The following MALRD1 variants were observed in gnomAD, a reference collection of about 807,000 sequenced individuals.
The protein encoded by MALRD1 is MAM and LDL receptor class A domain containing 1.
A neutral mutation model predicts 242.1 loss-of-function variants in MALRD1; 247 were observed. That is an observed-to-expected ratio of 1.02 (90% CI 0.92 to 1.13). The LOEUF (loss-of-function observed/expected upper bound fraction) is 1.13. MALRD1 is among the 50% of genes most tolerant of loss of function. The pLI is 0.00. For missense variants in MALRD1, 2,989 were observed against 2,533.1 expected (o/e 1.18, Z -3.86); for synonymous variants, 995 against 866.6 (o/e 1.15, Z -2.60).
intron 14 of MALRD1, among the ~76,000 whole-genome samples, chr10:19,198,303 G>T (rs1372117373): frequency 6.6e-6 from 1 of 152,104 alleles, no homozygotes; most frequent in African/African-American, 2.4e-5. Context: ...TATTTGCATT[G>T]GTTCTTCTTG....
At chr10:19,449,922 C>T (rs1391701068) in intron 28 of MALRD1, among the ~76,000 whole-genome samples, 2 of 152,110 alleles carry the variant, frequency 1.3e-5, no homozygotes, top group South Asian at 4.1e-4. Flanking sequence ...TAAAGTTGTG[C>T]AGAGCTGGAA....
chr10:19,261,311 G>GT lies in MALRD1; in HGVS notation c.3079+3547dup, dbSNP rs1286486588. Among the ~76,000 whole-genome samples the GT allele has an allele frequency of 5.9e-5, 9 of 151,990 alleles. No homozygotes were observed. In the East Asian group the frequency reaches 9.7e-4, roughly 16 times the overall value. ...AAACTTGAAAAACTGTAGGAGCTGT[G>GT]TTTTTTTGCAATGGCATAACAAAAT... On this transcript the variant is annotated intron_variant, in intron 19 of 39. Coordinates refer to ENST00000454679, the MANE Select transcript of MALRD1 (RefSeq NM_001142308.3).
At chr10:19,087,712 T>C (rs1374690262) in intron 2 of MALRD1, 128 bp from the exon 3 acceptor site, 4 of 430,440 alleles carry the variant, frequency 9.3e-6, no homozygotes, top group Non-Finnish European at 1.6e-5. Flanking sequence ...CCAATCACGC[T>C]CTTTTAGTTA....
At chr10:19,275,750 C>T (rs1158763454) in intron 19 of MALRD1, among the ~76,000 whole-genome samples, 1 of 152,082 alleles carries the variant, frequency 6.6e-6, no homozygotes, top group Non-Finnish European at 1.5e-5. Flanking sequence ...AGTGTATTAT[C>T]GAGCAAGTTT....
intron 32 of MALRD1, 56 bp downstream of exon 32, chr10:19,531,407 C>T (rs1423279121): frequency 9.2e-6 from 13 of 1,415,678 alleles, no homozygotes; most frequent in Non-Finnish European, 1.1e-5. Flanking sequence ...CATGTTTAAA[C>T]ATTGTCTTCC....
chr10:19,381,894 A>G (rs1845853852), intron 26 of MALRD1, among the ~76,000 whole-genome samples: 1 of 152,110 alleles, frequency 6.6e-6, no homozygotes, highest in East Asian at 1.9e-4. Context: ...AAAAAGCAAC[A>G]TGAGAGTTCA....
intron 21 of MALRD1, among the ~76,000 whole-genome samples, chr10:19,316,111 T>C (rs921902365): frequency 6.6e-6 from 1 of 150,504 alleles, no homozygotes; most frequent in African/African-American, 2.4e-5. Flanking sequence ...TTAGTAAATT[T>C]AAGTAATTTA....
chr10:19,242,700 AG>A (rs1564496651), intron 18 of MALRD1, among the ~76,000 whole-genome samples: 1 of 151,928 alleles, frequency 6.6e-6, no homozygotes, highest in Non-Finnish European at 1.5e-5. Context: ...TTTTTTATAT[AG>A]TTTTTTTATT....
intron 5 of MALRD1, among the ~76,000 whole-genome samples, chr10:19,119,856 C>T (rs936614974): frequency 2.0e-5 from 3 of 152,160 alleles, no homozygotes; most frequent in Non-Finnish European, 2.9e-5. Flanking sequence ...CCAGTCTCCA[C>T]CCAGGAATGA....
At chr10:19,701,503 G>A (rs958328503) in intron 38 of MALRD1, among the ~76,000 whole-genome samples, 9 of 152,058 alleles carry the variant, frequency 5.9e-5, no homozygotes, top group African/African-American at 2.2e-4. Context: ...TCAAAACTGG[G>A]TTGGGGCGAT....
At chr10:19,202,064 T>C (rs1382107194) in intron 14 of MALRD1, among the ~76,000 whole-genome samples, 1 of 152,144 alleles carries the variant, frequency 6.6e-6, no homozygotes, top group Non-Finnish European at 1.5e-5. Flanking sequence ...TCAGACTGCC[T>C]AGGCCTCCCA....
rs1279463259 is a variant in MALRD1 at position 19,243,792 on chromosome 10, G to T, written c.2992-13892G>T. 2.0e-5 allele frequency among the ~76,000 whole-genome samples: 3 copies of T among 152,004 alleles called. No individual in the cohort carries two copies. The East Asian group carries it at 5.8e-4, about 29-fold the overall frequency. ...GAAATATGTAATAACCATAAGCTTG[G>T]GTCTGCTTCTTCAGAAGCCTAGGAA... On this transcript the variant is annotated intron_variant, in intron 18 of 39. Coordinates refer to ENST00000454679, the MANE Select transcript of MALRD1 (RefSeq NM_001142308.3).
Position 19,171,453 on chromosome 10 carries a change from TATATAC to T in MALRD1, c.1831-3753_1831-3748del, listed in dbSNP as rs780698160. On this transcript the variant is annotated intron_variant, in intron 13 of 39. Transcript: ENST00000454679. ...ACATATATATATATATATATATATA[TATATAC>T]ACACATGTATATACACACACACATA... Among the ~76,000 whole-genome samples the T allele has an allele frequency of 6.7e-3, 483 of 72,050 alleles. 15 individuals carry two copies. Among genetic ancestry groups the T allele is most frequent in the Admixed American group, 0.016 (88 of 5,546 alleles). 47.3% of individuals were successfully genotyped at this position (72,050 alleles called of 152,430 possible).
At chr10:19,196,669 A>G (rs1266195954) in intron 14 of MALRD1, among the ~76,000 whole-genome samples, 1 of 151,856 alleles carries the variant, frequency 6.6e-6, no homozygotes, top group African/African-American at 2.4e-5. Context: ...TGACATGATC[A>G]CTTGAATACC....
chr10:19,330,282 CCT>C (rs774916242), intron 23 of MALRD1, among the ~76,000 whole-genome samples: 11 of 151,442 alleles, frequency 7.3e-5, no homozygotes, highest in Non-Finnish European at 1.3e-4. Context: ...ATTATTCCAA[CCT>C]CTCATGTTAA....
chr10:19,682,321 A>C (rs1345198745), intron 36 of MALRD1, among the ~76,000 whole-genome samples: 1 of 152,182 alleles, frequency 6.6e-6, no homozygotes, highest in South Asian at 2.1e-4. Flanking sequence ...TGAGTAATGA[A>C]TGGGTGTTAC....
intron 32 of MALRD1, among the ~76,000 whole-genome samples, chr10:19,552,818 C>T (rs1482073385): frequency 6.6e-6 from 1 of 152,054 alleles, no homozygotes; most frequent in Non-Finnish European, 1.5e-5. Flanking sequence ...AAGTTCTGCT[C>T]TCCTGCCCTC....
At chr10:19,292,509 G>A (rs1026022598) in intron 21 of MALRD1, among the ~76,000 whole-genome samples, 8 of 152,122 alleles carry the variant, frequency 5.3e-5, no homozygotes, top group African/African-American at 1.9e-4. Context: ...TTGGAAATGA[G>A]TTATGGTCCC....
chr10:19,453,991 T>G (rs1273478326), intron 29 of MALRD1, among the ~76,000 whole-genome samples: 1 of 151,966 alleles, frequency 6.6e-6, no homozygotes, highest in South Asian at 2.1e-4. Flanking sequence ...GCCCAGGAGT[T>G]GGAGGTTTCA....
Sources: allele counts gnomAD v4.1 joint callset (sites outside exome capture counted in the v4.1 genomes callset), GRCh38; gene constraint gnomAD v4.1.1; transcripts MANE v1.5; gene names NCBI Gene and HGNC (gene_info 2026-07-23, HGNC 2026-07-21).